Variants in GET3 observed in about 807,000 individuals in gnomAD.
GET3 encodes guided entry of tail-anchored proteins factor 3, ATPase, also known as ATPase GET3.
In GET3, 15 loss-of-function variants were observed where a neutral mutation model predicts 32.4. The observed-to-expected ratio is 0.46, with a 90% CI of 0.31 to 0.71. GET3 has a LOEUF of 0.71. Among genes scored for constraint, GET3 ranks in the 30% least tolerant of loss-of-function variants. GET3 has a pLI of 0.05. For synonymous variants in GET3, 198 were observed against 185.6 expected (o/e 1.07, Z -0.54); for missense variants, 333 against 459.0 (o/e 0.73, Z 2.51).
rs1967613416 is a variant in GET3, at chr19:12,738,601, C to T, written c.252C>T (p.Asp84=). 2 of 1,614,108 alleles carry T rather than the reference C, an allele frequency of 1.2e-6. No homozygotes were observed. The highest frequency in any genetic ancestry group is 8.5e-7 in the Non-Finnish European group (1 of 1,180,054). ...CACACAACATCTCAGATGCTTTTGA[C>T]CAGAAGTTCTCAAAGGTGCCTACCA... is the stretch of plus-strand genomic sequence containing the variant. The part of the protein sequence containing the change: ...DPAHNISDAF[D]QKFSKVPTKV... Residue 84 remains aspartate (D), a synonymous_variant, in exon 2 of 7, where the codon GAC becomes GAT. Transcript: ENST00000357332.
intron 2 of GET3, among the ~76,000 whole-genome samples, chr19:12,743,079 G>A (rs1362045182): frequency 1.3e-5 from 2 of 152,170 alleles, no homozygotes; most frequent in Non-Finnish European, 2.9e-5. Context: ...AGTGATGAGT[G>A]GGCAAGCTCC....
At position 12,741,758 on chromosome 19, in the gene GET3, C is replaced by CA. The variant is rs890464662; in HGVS notation, c.309+3112dup. Among the ~76,000 whole-genome samples, 718 of 123,866 alleles carry CA rather than the reference C, an allele frequency of 5.8e-3. 2 individuals are homozygous for CA. Among genetic ancestry groups the CA allele is most frequent in the African/African-American group, 0.019 (619 of 32,968 alleles). The allele number at this position is 123,866 out of a possible 152,430, so 81.3% of individuals were successfully genotyped here. A position where few individuals can be genotyped will look rare whatever the true frequency, so the allele number is the denominator to read the frequency against. On this transcript the variant is annotated intron_variant, in intron 2 of 6. Coordinates refer to ENST00000357332, the MANE Select transcript of GET3 (RefSeq NM_004317.4). Reference sequence around the variant, plus strand: ...TGGGATACAGAGCGACACTCCATCTCAAAAAAAAAAAATTAGTTGGGCCTG... The same window carrying CA: ...TGGGATACAGAGCGACACTCCATCTCAAAAAAAAAAAAATTAGTTGGGCCTG...
chr19:12,748,201 A>C lies in GET3; in HGVS notation c.*97A>C. 1 of 1,157,740 alleles carries C rather than the reference A, an allele frequency of 8.6e-7. No homozygotes were observed. Among genetic ancestry groups the C allele is most frequent in the Non-Finnish European group, 1.2e-6 (1 of 865,402 alleles). 71.7% of individuals were successfully genotyped at this position (1,157,740 alleles called of 1,614,324 possible). The stretch of plus-strand genomic sequence containing the variant: ...TTGCACAAAGTCCCCCCCATAATAC[A>C]GGGGGAGCCACTTGGGCAGGAGGCA... On this transcript the variant is annotated 3_prime_UTR_variant, in exon 7 of 7. Coordinates refer to ENST00000357332, the MANE Select transcript of GET3 (RefSeq NM_004317.4).
In GET3 at chr19:12,745,734, A is replaced by G; in HGVS notation, c.584A>G (p.Asn195Ser). Residue 195 changes from asparagine to serine, a missense_variant, in exon 4 of 7, where the codon AAC (asparagine) becomes AGC (serine). By Grantham distance (46) the Asn-to-Ser change is conservative (BLOSUM62 1). Transcript: ENST00000357332. This position sits in a 1 kb window ranked among gnomAD's most constrained non-coding sequence, Gnocchi z 5.0. ...RGLGRLMQIK[N>S]QISPFISQMC... Reference sequence around the variant, plus strand: ...CTGGGCCGGCTTATGCAGATCAAGAACCAGATCAGCCCTTTCATCTCACAG... The same window carrying G: ...CTGGGCCGGCTTATGCAGATCAAGAGCCAGATCAGCCCTTTCATCTCACAG... The G allele has an allele frequency of 6.2e-7, 1 of 1,610,858 alleles. No individual in the cohort carries two copies. The highest frequency in any genetic ancestry group is 8.5e-7 in the Non-Finnish European group (1 of 1,179,258).
At chr19:12,739,315 G>A (rs954188629) in intron 2 of GET3, among the ~76,000 whole-genome samples, 1 of 152,094 alleles carries the variant, frequency 6.6e-6, no homozygotes, top group Admixed American at 6.5e-5. Context: ...CTACAGGCTT[G>A]CGCCACCACT....
chr19:12,740,189 T>C (rs1967641242), intron 2 of GET3, among the ~76,000 whole-genome samples: 1 of 151,238 alleles, frequency 6.6e-6, no homozygotes. Flanking sequence ...AAGACCCTCC[T>C]GGCTAACACG....
At position 12,748,257 on chromosome 19, in the gene GET3, G is replaced by C. The variant is rs929000340; in HGVS notation, c.*153G>C. On this transcript the variant is annotated 3_prime_UTR_variant, in exon 7 of 7. Coordinates refer to ENST00000357332, the MANE Select transcript of GET3 (RefSeq NM_004317.4). ...GGGTCCATTCCCCCTGGTGGGGCTG[G>C]TGGGGAGCTGTAGTTGCCCCCTACC... 1.5e-6 allele frequency: 1 copy of C among 688,298 alleles called. No individual in the cohort carries two copies. Among genetic ancestry groups the C allele is most frequent in the Non-Finnish European group, 2.2e-6 (1 of 445,458 alleles). 42.6% of individuals were successfully genotyped at this position (688,298 alleles called of 1,614,324 possible).
At chr19:12,743,759 C>T (rs112995780) in intron 2 of GET3, among the ~76,000 whole-genome samples, 13,340 of 95,072 alleles carry the variant, frequency 0.14, 3,106 homozygotes, top group African/African-American at 0.49. Flanking sequence ...GATGGAGTCT[C>T]GCTCTGTCGC....
At chr19:12,742,231 CTT>C (rs758340070) in intron 2 of GET3, among the ~76,000 whole-genome samples, 23 of 133,796 alleles carry the variant, frequency 1.7e-4, no homozygotes, top group African/African-American at 1.7e-4. Flanking sequence ...GAGATGGTAT[CTT>C]TTTTTTTTTT....
At chr19:12,741,144 G>A (rs1020907559) in intron 2 of GET3, among the ~76,000 whole-genome samples, 1 of 151,740 alleles carries the variant, frequency 6.6e-6, no homozygotes, top group Non-Finnish European at 1.5e-5. Context: ...CAAGATGGTG[G>A]AACTCCATCT....
intron 2 of GET3, among the ~76,000 whole-genome samples, chr19:12,740,209 C>T (rs1967641532): frequency 1.3e-5 from 2 of 151,128 alleles, no homozygotes; most frequent in South Asian, 2.1e-4. Context: ...GGTGAAAGCC[C>T]ATCTCTACTA....
In GET3 at chr19:12,747,701, C is replaced by T. The variant is rs1967800345; in HGVS notation, c.915+109C>T. 3.7e-6 allele frequency: 5 copies of T among 1,353,320 alleles called. No individual in the cohort carries two copies. The Admixed American group carries it at 8.9e-5, about 24-fold the overall frequency. 83.8% of individuals were successfully genotyped at this position (1,353,320 alleles called of 1,614,324 possible). A position where few individuals can be genotyped will look rare whatever the true frequency, so the allele number is the denominator to read the frequency against. On this transcript the variant is annotated intron_variant, in intron 6 of 6. Coordinates refer to ENST00000357332, the MANE Select transcript of GET3 (RefSeq NM_004317.4). The surrounding 1 kb of genome is among the most constrained non-coding windows in gnomAD (Gnocchi z 4.0). ...CTGCCCTCTAGCCTCCTGCCCTTTGCCCCCACATTTCAGATCCTTCACCCT... is the reference window on the plus strand; with the variant it reads ...CTGCCCTCTAGCCTCCTGCCCTTTGTCCCCACATTTCAGATCCTTCACCCT...
chr19:12,745,676 C>T lies in GET3; in HGVS notation c.526C>T (p.Leu176=), dbSNP rs747495990. The T allele has an allele frequency of 1.2e-5, 19 of 1,613,104 alleles. No individual in the cohort carries two copies. Among genetic ancestry groups the T allele is most frequent in the Non-Finnish European group, 1.6e-5 (19 of 1,179,966 alleles). Residue 176 remains leucine, a synonymous_variant, in exon 4 of 7, where the codon CTG becomes TTG. Coordinates refer to ENST00000357332, the MANE Select transcript of GET3 (RefSeq NM_004317.4). This position sits in a 1 kb window ranked among gnomAD's most constrained non-coding sequence, Gnocchi z 5.0. ...GGCACCCACGGGCCACACCCTGAGGCTGCTCAACTTCCCCACCATCGTGGA... is the reference window on the plus strand; with the variant it reads ...GGCACCCACGGGCCACACCCTGAGGTTGCTCAACTTCCCCACCATCGTGGA... ...DTAPTGHTLR[L]LNFPTIVERG...
chr19:12,737,716 G>T (rs891036484), intron 1 of GET3, 50 bp downstream of exon 1: 1 of 1,545,162 alleles, frequency 6.5e-7, no homozygotes, highest in Non-Finnish European at 8.6e-7. Context: ...ATACCACTGG[G>T]CGAAGGGGAG....
chr19:12,747,342 G>A lies in GET3; in HGVS notation c.717+38G>A, dbSNP rs750634076. The A allele has an allele frequency of 1.9e-6, 3 of 1,610,868 alleles. No homozygotes were observed. The highest frequency in any genetic ancestry group is 1.7e-4 in the Middle Eastern group (1 of 6,038). ...CTGGCTGGCGGTGAGAGGCCCGGGG[G>A]CTGAGGACAGGGGCAGACCCCGCCC... On this transcript the variant is annotated intron_variant, in intron 5 of 6. Transcript: ENST00000357332. The surrounding 1 kb of genome is among the most constrained non-coding windows in gnomAD (Gnocchi z 4.0).
At chr19:12,746,110 A>G (rs941316932) in intron 4 of GET3, among the ~76,000 whole-genome samples, 4 of 152,276 alleles carry the variant, frequency 2.6e-5, no homozygotes, top group African/African-American at 9.6e-5. Context: ...TTGCAAATGG[A>G]GATCATGAGA....
intron 2 of GET3, among the ~76,000 whole-genome samples, chr19:12,739,275 C>T (rs1185498694): frequency 6.6e-6 from 1 of 152,124 alleles, no homozygotes; most frequent in Non-Finnish European, 1.5e-5. Flanking sequence ...TCAAGCAATG[C>T]TCCTGCCTCA....
At position 12,743,887 on chromosome 19, in the gene GET3, G is replaced by A. The variant is rs542245925; in HGVS notation, c.310-1490G>A. Reference sequence around the variant, plus strand: ...TGGGACTACAGGCACCCGCCACCTCGCCCGGCTAATTTTTTGTATTTTTAG... The same window carrying A: ...TGGGACTACAGGCACCCGCCACCTCACCCGGCTAATTTTTTGTATTTTTAG... On this transcript the variant is annotated intron_variant, in intron 2 of 6. Coordinates refer to ENST00000357332, the MANE Select transcript of GET3 (RefSeq NM_004317.4). Among the ~76,000 whole-genome samples, 1,139 of 142,896 alleles carry A rather than the reference G, an allele frequency of 8.0e-3. 18 individuals carry two copies. Among genetic ancestry groups the A allele is most frequent in the African/African-American group, 0.025 (998 of 39,428 alleles). The allele number at this position is 142,896 out of a possible 152,430, so 93.7% of individuals were successfully genotyped here.
Position 12,748,079 on chromosome 19 carries a change from C to T in GET3, c.1022C>T (p.Pro341Leu). Residue 341 changes from proline (P) to leucine (L), a missense_variant, in exon 7 of 7, where the codon CCC (proline) becomes CTC (leucine). By Grantham distance (98) the Pro-to-Leu change is moderately conservative. Around this residue, in one of 3 missense-constraint regions of GET3, gnomAD observed 39 missense variants for 33.0 expected, o/e 1.18. Transcript: ENST00000357332. ...ACCTTCTCGGCCCTCCTCCTGGAGC[C>T]CTACAAGCCCCCCAGTGCCCAGTAG... is the stretch of plus-strand genomic sequence containing the variant. Reference protein sequence around the residue: ...VNTFSALLLEPYKPPSAQ With the variant: ...VNTFSALLLELYKPPSAQ 6.2e-7 allele frequency: 1 copy of T among 1,606,624 alleles called. No homozygotes were observed. Among genetic ancestry groups the T allele is most frequent in the South Asian group, 1.1e-5 (1 of 90,384 alleles).
Sources: gnomAD v4.1 joint callset for allele counts (sites outside exome capture counted in the v4.1 genomes callset) on GRCh38, gnomAD v4.1.1 for gene constraint, gnomAD v4.1.1 regional missense constraint, Gnocchi (gnomAD v3.1) non-coding constraint, MANE v1.5 for transcripts, NCBI Gene and HGNC (gene_info 2026-07-23, HGNC 2026-07-21) for gene names.